The following RARB variants were observed in gnomAD, a reference collection of about 807,000 sequenced individuals.
The protein encoded by RARB is retinoic acid receptor beta.
A neutral mutation model predicts 51.9 loss-of-function variants in RARB; 17 were observed. That is an observed-to-expected ratio of 0.33 (90% confidence interval 0.22 to 0.49). The LOEUF (loss-of-function observed/expected upper bound fraction) is 0.49. Ranked by LOEUF, RARB falls within the 20% of genes least tolerant of loss-of-function variation. The pLI, the probability that RARB is intolerant of heterozygous loss-of-function variation, is 0.99. For missense variants in RARB, 369 were observed against 550.8 expected (o/e 0.67, Z 3.30); for synonymous variants, 215 against 195.4 (o/e 1.10, Z -0.84).
intron 5 of RARB, among the ~76,000 whole-genome samples, chr3:25,386,838 A>G (rs1406611841): frequency 2.0e-5 from 3 of 152,152 alleles, no homozygotes; most frequent in Non-Finnish European, 2.9e-5. Context: ...CTTATTGTTC[A>G]AGATGTGCTA....
At position 25,198,509 on chromosome 3, in the gene RARB, G is replaced by A. The variant is rs556476631; in HGVS notation, c.178+23934G>A. The stretch of plus-strand genomic sequence containing the variant: ...ACCCACAGAATGGGAGAAAATATTT[G>A]CAAACTATCCATCTGACAAGAATTA... On this transcript the variant is annotated intron_variant, in intron 5 of 11. Transcript: ENST00000383772. Among the ~76,000 whole-genome samples, 12 of 152,142 alleles carry A rather than the reference G, an allele frequency of 7.9e-5. No homozygotes were observed. The South Asian group carries it at 2.3e-3, about 29-fold the overall frequency.
intron 2 of RARB, among the ~76,000 whole-genome samples, chr3:25,466,897 T>A (rs570689511): frequency 6.6e-6 from 1 of 152,358 alleles, no homozygotes; most frequent in East Asian, 1.9e-4. Context: ...CCCTTGATGA[T>A]GTTATTCTTC....
chr3:25,281,179 T>C (rs1703512705), intron 5 of RARB, among the ~76,000 whole-genome samples: 1 of 152,194 alleles, frequency 6.6e-6, no homozygotes, highest in African/African-American at 2.4e-5. Flanking sequence ...AGGATGTGTG[T>C]TGCACTTGAA....
At chr3:25,007,884 G>A (rs2125278283) in intron 2 of RARB, among the ~76,000 whole-genome samples, 1 of 152,060 alleles carries the variant, frequency 6.6e-6, no homozygotes, top group Admixed American at 6.6e-5. Flanking sequence ...TTAATTCCAT[G>A]CTCGCTTTAT....
chr3:25,416,337 C>A (rs920438523), intron 5 of RARB, among the ~76,000 whole-genome samples: 1 of 152,172 alleles, frequency 6.6e-6, no homozygotes, highest in Non-Finnish European at 1.5e-5. Flanking sequence ...TGTAGAGAGC[C>A]AAGATTGCAC....
intron 3 of RARB, among the ~76,000 whole-genome samples, chr3:25,108,927 A>G (rs974969090): frequency 6.6e-6 from 1 of 152,182 alleles, no homozygotes; most frequent in Non-Finnish European, 1.5e-5. Context: ...GGTACTCTGT[A>G]TAAAATTAGC....
intron 5 of RARB, among the ~76,000 whole-genome samples, chr3:25,261,754 C>A (rs1386360494): frequency 2.6e-5 from 4 of 152,134 alleles, no homozygotes; most frequent in Non-Finnish European, 5.9e-5. Flanking sequence ...TGGTCACCTA[C>A]TCTAGAAATG....
At chr3:24,929,628 G>C (rs1276038639) in intron 2 of RARB, among the ~76,000 whole-genome samples, 2 of 151,950 alleles carry the variant, frequency 1.3e-5, no homozygotes, top group Non-Finnish European at 2.9e-5. Flanking sequence ...GAAGATGTAG[G>C]GTACAAAAGA....
At chr3:25,326,600 C>T (rs748116481) in intron 5 of RARB, among the ~76,000 whole-genome samples, 3 of 152,178 alleles carry the variant, frequency 2.0e-5, no homozygotes, top group Admixed American at 6.5e-5. Flanking sequence ...AAAAGTCCAA[C>T]TGTTTTTCAG....
intron 5 of RARB, chr3:25,258,957 C>A (rs934929775): frequency 1.2e-5 from 10 of 862,248 alleles, no homozygotes; most frequent in African/African-American, 5.5e-5. Context: ...CACCACCACA[C>A]TGGGGACCAA....
chr3:24,896,611 T>C (rs1459749273), intron 2 of RARB, among the ~76,000 whole-genome samples: 3 of 152,188 alleles, frequency 2.0e-5, no homozygotes, highest in East Asian at 3.8e-4. Context: ...ACAGTGGTGA[T>C]GGTTCCATAA....
At chr3:24,881,211 C>T (rs1703152582) in intron 2 of RARB, among the ~76,000 whole-genome samples, 1 of 152,204 alleles carries the variant, frequency 6.6e-6, no homozygotes, top group African/African-American at 2.4e-5. Context: ...CCTGAGGCTT[C>T]CCCAGCCATG....
chr3:25,204,206 C>T (rs1041583654), intron 5 of RARB, among the ~76,000 whole-genome samples: 1 of 152,172 alleles, frequency 6.6e-6, no homozygotes, highest in Non-Finnish European at 1.5e-5. Flanking sequence ...ACCCTTTCTT[C>T]CAGTTGATCG....
chr3:25,420,057 C>T (rs1044914738), intron 5 of RARB, among the ~76,000 whole-genome samples: 36 of 151,980 alleles, frequency 2.4e-4, no homozygotes, highest in Admixed American at 1.8e-3. Flanking sequence ...ATTTTTTTAA[C>T]CAAAAATACT....
At chr3:25,078,295 G>A (rs1228445623) in intron 3 of RARB, among the ~76,000 whole-genome samples, 1 of 152,028 alleles carries the variant, frequency 6.6e-6, no homozygotes, top group Non-Finnish European at 1.5e-5. Context: ...TCTAACTTTT[G>A]TGTGGTATAA....
At chr3:25,016,593 G>GT (rs1270579673) in intron 2 of RARB, among the ~76,000 whole-genome samples, 1 of 152,186 alleles carries the variant, frequency 6.6e-6, no homozygotes. Flanking sequence ...AGAAAGTACG[G>GT]TGGATACAAT....
intron 5 of RARB, among the ~76,000 whole-genome samples, chr3:25,416,094 C>G (rs1707695622): frequency 2.0e-5 from 3 of 152,240 alleles, no homozygotes; most frequent in Admixed American, 2.0e-4. Context: ...ACAAGGCATG[C>G]CAATATCTAA....
chr3:25,006,786 A>G (rs567778843), intron 2 of RARB, among the ~76,000 whole-genome samples: 2 of 152,280 alleles, frequency 1.3e-5, no homozygotes, highest in East Asian at 3.9e-4. Context: ...AGGAGTAGAC[A>G]TTACACCTTA....
intron 2 of RARB, among the ~76,000 whole-genome samples, chr3:24,972,899 T>G (rs1217154703): frequency 6.6e-6 from 1 of 152,088 alleles, no homozygotes. Context: ...TCATATAGTT[T>G]GCAAATATTT....
Sources: gnomAD v4.1 joint callset for allele counts (sites outside exome capture counted in the v4.1 genomes callset) on GRCh38, gnomAD v4.1.1 for gene constraint, MANE v1.5 for transcripts, NCBI Gene and HGNC (gene_info 2026-07-23, HGNC 2026-07-21) for gene names.